Variants in ZNF469 observed in about 807,000 individuals in gnomAD.
The protein encoded by ZNF469 is zinc finger protein 469.
In ZNF469, 1 loss-of-function variant was observed where a neutral mutation model predicts 1.0. The observed-to-expected ratio is 1.00, with a 90% CI of 0.35 to 4.73. ZNF469 has a LOEUF of 4.73. ZNF469 is among the 30% of genes most tolerant of loss of function. The probability of loss-of-function intolerance (pLI) is 0.16; values close to 1 mark genes in which losing one functional copy is unlikely to be tolerated. For missense variants in ZNF469, 6,100 were observed against 5,356.3 expected, an observed-to-expected ratio of 1.14 and a Z score of -4.33; for synonymous variants, 2,703 against 2,363.4, an observed-to-expected ratio of 1.14 and a Z score of -4.17.
chr16:88,110,075 C>T, the ZNF469 span, among the ~76,000 whole-genome samples: 1 of 152,234 alleles, frequency 6.6e-6, no homozygotes, highest in East Asian at 1.9e-4. Flanking sequence ...CTTTTTCCCT[C>T]ACTCCTCACA....
the ZNF469 span, among the ~76,000 whole-genome samples, chr16:88,325,766 G>A: frequency 1.3e-5 from 2 of 152,224 alleles, no homozygotes; most frequent in South Asian, 2.1e-4. Flanking sequence ...TGCTCCGTGT[G>A]ACGGCTACCC....
chr16:88,328,886 A>C, the ZNF469 span, among the ~76,000 whole-genome samples: 1 of 152,100 alleles, frequency 6.6e-6, no homozygotes, highest in East Asian at 1.9e-4. Context: ...GCCACAGCAG[A>C]GGAGGCCGAG....
the ZNF469 span, among the ~76,000 whole-genome samples, chr16:88,144,418 G>A: frequency 9.9e-5 from 15 of 152,254 alleles, no homozygotes; most frequent in Non-Finnish European, 2.1e-4. Flanking sequence ...AGGGGATGGT[G>A]TGATTAACGC....
chr16:88,225,154 G>A, the ZNF469 span, among the ~76,000 whole-genome samples: 391 of 152,342 alleles, frequency 2.6e-3, 4 homozygotes, highest in African/African-American at 9.0e-3. Context: ...CCCAACCTCC[G>A]TTCCCCACTG....
chr16:88,233,784 G>A, the ZNF469 span, among the ~76,000 whole-genome samples: 81 of 152,362 alleles, frequency 5.3e-4, no homozygotes, highest in African/African-American at 1.8e-3. Context: ...TAGAGGATGC[G>A]GGAAGCCCAT....
upstream of ZNF469, among the ~76,000 whole-genome samples, chr16:88,380,558 C>G (rs1354086477): frequency 7.5e-6 from 1 of 133,696 alleles, no homozygotes; most frequent in Non-Finnish European, 1.5e-5. Context: ...GACATGCACT[C>G]ACACACAGAC....
the ZNF469 span, among the ~76,000 whole-genome samples, chr16:88,327,552 T>C: frequency 6.7e-6 from 1 of 150,228 alleles, no homozygotes; most frequent in African/African-American, 2.5e-5. Flanking sequence ...CACGTTGGGG[T>C]TGGGGGGGGG....
the ZNF469 span, among the ~76,000 whole-genome samples, chr16:88,145,728 C>T: frequency 2.0e-5 from 3 of 152,242 alleles, no homozygotes; most frequent in African/African-American, 4.8e-5. Context: ...CTTGCCCCGT[C>T]GCTGCAGGCT....
chr16:88,351,351 A>G, the ZNF469 span, among the ~76,000 whole-genome samples: 1 of 152,100 alleles, frequency 6.6e-6, no homozygotes, highest in African/African-American at 2.4e-5. Context: ...TCTGCCCCAC[A>G]GGCCTCTGTG....
At chr16:88,131,318 T>G in the ZNF469 span, among the ~76,000 whole-genome samples, 2 of 141,064 alleles carry the variant, frequency 1.4e-5, no homozygotes, top group African/African-American at 2.9e-5. Flanking sequence ...CCAAGGCTGG[T>G]GTGTCGCCTA....
the ZNF469 span, among the ~76,000 whole-genome samples, chr16:88,330,409 C>G: frequency 5.9e-3 from 906 of 152,372 alleles, 18 homozygotes; most frequent in African/African-American, 0.021. Flanking sequence ...AAAGTCATGC[C>G]CATTCAGGCT....
the ZNF469 span, among the ~76,000 whole-genome samples, chr16:88,254,465 G>C: frequency 1.3e-5 from 2 of 152,118 alleles, no homozygotes; most frequent in Admixed American, 6.6e-5. Flanking sequence ...TCTCTTTAGA[G>C]ATCATCTGGC....
At chr16:88,150,326 A>T in the ZNF469 span, among the ~76,000 whole-genome samples, 1 of 152,218 alleles carries the variant, frequency 6.6e-6, no homozygotes, top group Non-Finnish European at 1.5e-5. Context: ...CAAACAAAAA[A>T]ACCAAACAAA....
chr16:88,106,779 A>G, the ZNF469 span, among the ~76,000 whole-genome samples: 1 of 152,240 alleles, frequency 6.6e-6, no homozygotes. Flanking sequence ...CATGGGACGG[A>G]GCTCAGCTCA....
chr16:88,360,931 G>T, the ZNF469 span, among the ~76,000 whole-genome samples: 1 of 152,194 alleles, frequency 6.6e-6, no homozygotes, highest in African/African-American at 2.4e-5. Flanking sequence ...GAGGAGGATG[G>T]TTTTGGGATG....
the ZNF469 span, among the ~76,000 whole-genome samples, chr16:88,316,708 A>C: frequency 6.6e-6 from 1 of 151,720 alleles, no homozygotes; most frequent in Non-Finnish European, 1.5e-5. Context: ...CACCACGCCC[A>C]GCTAATTTTT....
At chr16:88,188,532 T>C in the ZNF469 span, among the ~76,000 whole-genome samples, 1 of 152,136 alleles carries the variant, frequency 6.6e-6, no homozygotes, top group Non-Finnish European at 1.5e-5. Flanking sequence ...CTGGCCCCCA[T>C]GGTGCTCAGA....
the ZNF469 span, among the ~76,000 whole-genome samples, chr16:88,133,348 A>G: frequency 3.3e-5 from 5 of 152,306 alleles, no homozygotes; most frequent in South Asian, 4.1e-4. Flanking sequence ...TCTTTTGCAC[A>G]GAGGATTCAT....
the ZNF469 span, among the ~76,000 whole-genome samples, chr16:88,110,417 C>G: frequency 1.3e-5 from 2 of 152,278 alleles, no homozygotes; most frequent in Non-Finnish European, 1.5e-5. Flanking sequence ...TCCGTCTTCT[C>G]TGGCAGGGGC....
Sources: allele counts gnomAD v4.1 joint callset (sites outside exome capture counted in the v4.1 genomes callset), GRCh38; gene constraint gnomAD v4.1.1; transcripts MANE v1.5; gene names NCBI Gene and HGNC (gene_info 2026-07-23, HGNC 2026-07-21).